The following SAP130 variants were observed in gnomAD, a reference collection of about 807,000 sequenced individuals.
SAP130 encodes Sin3A associated protein 130, also known as histone deacetylase complex subunit SAP130.
SAP130 carries 16 observed loss-of-function variants against 103.2 expected under a neutral mutation model. The observed-to-expected ratio is 0.16, with a 90% CI of 0.10 to 0.24. SAP130 has a LOEUF of 0.24. Ranked by LOEUF, SAP130 falls within the 10% of genes least tolerant of loss-of-function variation. SAP130 has a pLI of 1.00. For missense variants in SAP130, 990 were observed against 1,359.7 expected, an observed-to-expected ratio of 0.73 and a Z score of 4.28; for synonymous variants, 477 against 497.0, an observed-to-expected ratio of 0.96 and a Z score of 0.53.
intron 12 of SAP130, among the ~76,000 whole-genome samples, chr2:127,990,226 T>C (rs1682693749): frequency 4.6e-5 from 7 of 152,292 alleles, no homozygotes; most frequent in Admixed American, 3.3e-4. Context: ...TCTGCTTTAA[T>C]TGATAGGGCC....
At chr2:127,963,551 C>T (rs1680412468) in intron 15 of SAP130, among the ~76,000 whole-genome samples, 1 of 152,162 alleles carries the variant, frequency 6.6e-6, no homozygotes, top group Admixed American at 6.5e-5. Flanking sequence ...TTTCCCAAAA[C>T]TTTCTTTTTA....
At chr2:127,979,880 CTTT>C (rs754881410) in intron 14 of SAP130, among the ~76,000 whole-genome samples, 6 of 139,194 alleles carry the variant, frequency 4.3e-5, no homozygotes, top group Non-Finnish European at 1.6e-5. Flanking sequence ...AAATTTTTTT[CTTT>C]TTTTTTTTTT....
intron 3 of SAP130, among the ~76,000 whole-genome samples, chr2:128,017,377 C>A (rs1167568050): frequency 2.0e-5 from 3 of 151,686 alleles, no homozygotes; most frequent in African/African-American, 7.3e-5. Flanking sequence ...CTAAATCTGA[C>A]TGGCTTAAAA....
chr2:127,987,044 C>G, intron 13 of SAP130, 82 bp from the exon 14 acceptor site: 2 of 1,238,262 alleles, frequency 1.6e-6, no homozygotes, highest in South Asian at 1.4e-5. Flanking sequence ...AATGATGAGA[C>G]CACTAGAATT....
At chr2:127,969,371 G>A (rs1680904213) in intron 15 of SAP130, among the ~76,000 whole-genome samples, 2 of 152,192 alleles carry the variant, frequency 1.3e-5, no homozygotes, top group South Asian at 4.1e-4. Context: ...ACTCTTGTGA[G>A]TTAGCACAAG....
At chr2:128,012,348 T>C (rs899842123) in intron 6 of SAP130, among the ~76,000 whole-genome samples, 3 of 152,072 alleles carry the variant, frequency 2.0e-5, no homozygotes, top group Non-Finnish European at 2.9e-5. Context: ...TGCACACCTG[T>C]AGTCCCAAGT....
chr2:128,013,939 T>TA (rs1684577576), intron 5 of SAP130, among the ~76,000 whole-genome samples: 1 of 152,144 alleles, frequency 6.6e-6, no homozygotes, highest in Non-Finnish European at 1.5e-5. Context: ...TTACATAAGT[T>TA]AAAAAACTGA....
In SAP130 at chr2:127,996,244, T is replaced by C; in HGVS notation, c.1355+106A>G. 3.8e-6 allele frequency: 4 copies of C among 1,054,892 alleles called. No homozygotes were observed. The highest frequency in any genetic ancestry group is 5.1e-6 in the Non-Finnish European group (4 of 791,266). 65.3% of individuals were successfully genotyped at this position (1,054,892 alleles called of 1,614,324 possible). On this transcript the variant is annotated intron_variant, in intron 11 of 20. Transcript: ENST00000643581. The surrounding 1 kb of genome is among the most constrained non-coding windows in gnomAD (Gnocchi z 4.3). ...ACTTTCAGGGGAAAATCTGAAAACA[T>C]GAGTAATAAATATAGGCCATATTTG...
Position 127,989,592 on chromosome 2 carries a change from C to T in SAP130, c.1752G>A (p.Gln584=). The T allele has an allele frequency of 6.2e-7, 1 of 1,613,634 alleles. No individual in the cohort carries two copies. The highest frequency in any genetic ancestry group is 8.5e-7 in the Non-Finnish European group (1 of 1,179,594). The change falls in exon 13 of 21, where the codon CAG becomes CAA. Residue 584 remains glutamine, a synonymous_variant. Transcript: ENST00000643581. The surrounding 1 kb of genome is among the most constrained non-coding windows in gnomAD (Gnocchi z 4.6). ...QGLQPAPMGT[Q]QPQPEGKTSA... ...AAGTCTTTCCTTCAGGCTGAGGCTG[C>T]TGAGTACCCATAGGTGCAGGCTGAA... is the stretch of plus-strand genomic sequence containing the variant.
At chr2:127,958,554 C>CAAAATGTAG (rs1680000955) in intron 15 of SAP130, among the ~76,000 whole-genome samples, 1 of 150,880 alleles carries the variant, frequency 6.6e-6, no homozygotes, top group Non-Finnish European at 1.5e-5. Context: ...AAAATAAAAA[C>CAAAATGTAG]AAAATGTAGA....
intron 15 of SAP130, among the ~76,000 whole-genome samples, chr2:127,964,657 A>T (rs973626008): frequency 2.6e-5 from 4 of 152,042 alleles, no homozygotes; most frequent in African/African-American, 9.7e-5. Flanking sequence ...ACAAAAAAAA[A>T]TAAAGGAAAC....
intron 12 of SAP130, among the ~76,000 whole-genome samples, chr2:127,990,224 AATT>A (rs1682693569): frequency 1.3e-5 from 2 of 152,172 alleles, no homozygotes; most frequent in Non-Finnish European, 2.9e-5. Context: ...CCTCTGCTTT[AATT>A]GATAGGGCCA....
intron 7 of SAP130, among the ~76,000 whole-genome samples, chr2:128,009,291 G>A (rs1357575157): frequency 6.6e-6 from 1 of 152,066 alleles, no homozygotes; most frequent in African/African-American, 2.4e-5. Flanking sequence ...GCAACAAAGT[G>A]AGAACCTGTC....
At position 127,989,547 on chromosome 2, in the gene SAP130, C is replaced by A. The variant is rs115206459; in HGVS notation, c.1780+17G>T. On this transcript the variant is annotated intron_variant, in intron 13 of 20. Coordinates refer to ENST00000643581, the MANE Select transcript of SAP130 (RefSeq NM_001330301.2). This position sits in a 1 kb window ranked among gnomAD's most constrained non-coding sequence, Gnocchi z 4.6. ...TCTTTTCTCCAAACCACCTTCTATG[C>A]AAAAATTTAAAATTACCTGAAGTCT... 1,316 of 1,586,734 alleles carry A rather than the reference C, an allele frequency of 8.3e-4. 10 individuals are homozygous for A. In the African/African-American group the frequency reaches 0.016, roughly 19 times the overall value.
Position 128,000,471 on chromosome 2 carries a change from G to A in SAP130, c.870-17C>T, listed in dbSNP as rs752685859. 6.2e-7 allele frequency: 1 copy of A among 1,613,916 alleles called. No homozygotes were observed. Among genetic ancestry groups the A allele is most frequent in the Non-Finnish European group, 8.5e-7 (1 of 1,179,910 alleles). On this transcript the variant is annotated splice_polypyrimidine_tract_variant and intron_variant, in intron 7 of 20. Coordinates refer to ENST00000643581, the MANE Select transcript of SAP130 (RefSeq NM_001330301.2). ...GTTGGCCTACTGAAAAGATAACAAA[G>A]ACACAATGCAGATGGGCAAGGTCAT...
chr2:127,946,541 C>G (rs957623131), intron 18 of SAP130, among the ~76,000 whole-genome samples: 7 of 151,844 alleles, frequency 4.6e-5, no homozygotes, highest in Non-Finnish European at 8.8e-5. Context: ...GGTTTTCCCC[C>G]CAAAGACATG....
At chr2:127,956,336 G>T (rs965781539) in intron 15 of SAP130, among the ~76,000 whole-genome samples, 6 of 152,130 alleles carry the variant, frequency 3.9e-5, no homozygotes, top group Non-Finnish European at 8.8e-5. Context: ...GTTAGTGTAC[G>T]TAAAGTGTTT....
intron 16 of SAP130, among the ~76,000 whole-genome samples, chr2:127,954,273 C>A (rs531145590): frequency 3.3e-5 from 5 of 152,210 alleles, no homozygotes; most frequent in Admixed American, 2.0e-4. Flanking sequence ...ACACCTCTAT[C>A]GGGCAAACAG....
At chr2:127,974,841 T>C (rs986421187) in intron 15 of SAP130, among the ~76,000 whole-genome samples, 1 of 152,128 alleles carries the variant, frequency 6.6e-6, no homozygotes, top group African/African-American at 2.4e-5. Context: ...ATAATTTCTA[T>C]GTTTAGATAC....
Sources: allele counts gnomAD v4.1 joint callset (sites outside exome capture counted in the v4.1 genomes callset), GRCh38; gene constraint gnomAD v4.1.1; non-coding constraint Gnocchi (gnomAD v3.1); transcripts MANE v1.5; gene names NCBI Gene and HGNC (gene_info 2026-07-23, HGNC 2026-07-21).